Variants in AGTPBP1 observed in about 807,000 individuals in gnomAD.
AGTPBP1 encodes the protein cytosolic carboxypeptidase 1.
AGTPBP1 carries 70 observed loss-of-function variants against 143.9 expected under a neutral mutation model. That is an observed-to-expected ratio of 0.49 (90% CI 0.40 to 0.59). AGTPBP1 has a LOEUF of 0.59. AGTPBP1 is among the 20% of genes least tolerant of loss of function. The pLI, the probability that AGTPBP1 is intolerant of heterozygous loss-of-function variation, is 0.00. For missense variants in AGTPBP1, 1,229 were observed against 1,464.5 expected (o/e 0.84, Z 2.62); for synonymous variants, 463 against 500.2 (o/e 0.93, Z 0.99).
rs116281481 is a variant in AGTPBP1 at position 85,710,086 on chromosome 9, T to C, written c.32+2416A>G. 9.1e-3 allele frequency among the ~76,000 whole-genome samples: 1,390 copies of C among 152,260 alleles called. 13 individuals are homozygous for C. The highest frequency in any genetic ancestry group is 0.032 in the African/African-American group (1,331 of 41,564). ...CACCTCAAAATTTAACACTTCACTA[T>C]ATACTGGTTAAGTCGCCATACTGCA... On this transcript the variant is annotated intron_variant, in intron 2 of 25. Transcript: ENST00000357081.
intron 12 of AGTPBP1, 56 bp from the exon 13 acceptor site, chr9:85,642,999 G>A: frequency 8.6e-7 from 1 of 1,166,134 alleles, no homozygotes. Flanking sequence ...AAAAATTACA[G>A]AAAACATTTT....
At position 85,630,668 on chromosome 9, in the gene AGTPBP1, T is replaced by C. The variant is rs530435471; in HGVS notation, c.2015+1994A>G. ...CTAATTTTTGTGTTTTTAGTAGAGA[T>C]GGGGTTTCACTATACTGGCCAGACT... On this transcript the variant is annotated intron_variant, in intron 14 of 25. Coordinates refer to ENST00000357081, the MANE Select transcript of AGTPBP1 (RefSeq NM_001330701.2). Among the ~76,000 whole-genome samples, 279 of 152,062 alleles carry C rather than the reference T, an allele frequency of 1.8e-3. 10 individuals carry two copies. The highest frequency in any genetic ancestry group is 0.018 in the Admixed American group (277 of 15,264).
intron 7 of AGTPBP1, among the ~76,000 whole-genome samples, chr9:85,670,290 G>C (rs1041253396): frequency 6.6e-6 from 1 of 152,154 alleles, no homozygotes; most frequent in African/African-American, 2.4e-5. Flanking sequence ...AAGGGCCCTA[G>C]AAGTTGTTAA....
the AGTPBP1 span, among the ~76,000 whole-genome samples, chr9:85,797,007 G>A: frequency 4.6e-5 from 7 of 151,932 alleles, no homozygotes; most frequent in East Asian, 1.9e-4. Context: ...GGATGGTCTC[G>A]ATCTCCCGAC....
At chr9:85,704,072 C>T (rs1836834642) in intron 2 of AGTPBP1, among the ~76,000 whole-genome samples, 1 of 152,176 alleles carries the variant, frequency 6.6e-6, no homozygotes, top group Non-Finnish European at 1.5e-5. Context: ...TGGCCTTGGG[C>T]TTCTATAGCC....
intron 2 of AGTPBP1, among the ~76,000 whole-genome samples, chr9:85,695,924 C>T (rs997643205): frequency 1.2e-4 from 18 of 152,026 alleles, no homozygotes; most frequent in African/African-American, 4.1e-4. Flanking sequence ...TCACTGAAAC[C>T]TCCATGTCCC....
At chr9:85,572,199 TG>T (rs1827547103) in intron 25 of AGTPBP1, among the ~76,000 whole-genome samples, 1 of 151,944 alleles carries the variant, frequency 6.6e-6, no homozygotes, top group Non-Finnish European at 1.5e-5. Flanking sequence ...GCTAAATTTT[TG>T]TATTTTTAGT....
At chr9:85,640,035 T>C (rs538336372) in intron 13 of AGTPBP1, among the ~76,000 whole-genome samples, 1 of 152,334 alleles carries the variant, frequency 6.6e-6, no homozygotes, top group African/African-American at 2.4e-5. Flanking sequence ...GCATTAATGG[T>C]TGATGCTGAA....
chr9:85,764,766 T>G, the AGTPBP1 span: 1 of 1,311,070 alleles, frequency 7.6e-7, no homozygotes, highest in South Asian at 1.2e-5. Context: ...GAACAAGACT[T>G]CTCTGAAAAG....
chr9:85,749,059 G>C, the AGTPBP1 span, among the ~76,000 whole-genome samples: 2 of 142,868 alleles, frequency 1.4e-5, no homozygotes, highest in Admixed American at 7.2e-5. Flanking sequence ...CTTGAGTGCA[G>C]TGGTGTGATC....
intron 25 of AGTPBP1, among the ~76,000 whole-genome samples, chr9:85,567,460 T>C (rs1158098737): frequency 2.0e-5 from 3 of 151,886 alleles, no homozygotes; most frequent in Admixed American, 2.0e-4. Flanking sequence ...GCAGTAGTGG[T>C]CCATGCCTGT....
chr9:85,763,173 A>AC, the AGTPBP1 span, among the ~76,000 whole-genome samples: 3 of 152,096 alleles, frequency 2.0e-5, no homozygotes, highest in Admixed American at 6.6e-5. Context: ...AGGCAAAAAA[A>AC]CAAAAAACAA....
In AGTPBP1 at chr9:85,741,850, C is replaced by T; in HGVS notation, c.-109G>A. On this transcript the variant is annotated 5_prime_UTR_variant, in exon 1 of 26. Transcript: ENST00000357081. ...CTCAGCACCTGGATCACGGCGGATC[C>T]CTCGCCGCCCGCCGCCCGGTGTTTT... 7.2e-7 allele frequency: 1 copy of T among 1,398,402 alleles called. No homozygotes were observed. The highest frequency in any genetic ancestry group is 1.5e-5 in the South Asian group (1 of 66,254). The allele number at this position is 1,398,402 out of a possible 1,614,324, so 86.6% of individuals were successfully genotyped here.
intron 1 of AGTPBP1, among the ~76,000 whole-genome samples, chr9:85,728,429 C>T (rs1476302330): frequency 6.6e-6 from 1 of 151,916 alleles, no homozygotes; most frequent in Non-Finnish European, 1.5e-5. Flanking sequence ...ACTGATCTAC[C>T]CCTAAAAAAG....
At chr9:85,741,377 C>G (rs1371449232) in intron 1 of AGTPBP1, 1 of 985,222 alleles carries the variant, frequency 1.0e-6, no homozygotes, top group Non-Finnish European at 1.2e-6. Flanking sequence ...TGGGCGCGCC[C>G]GCCCCCGGCC....
intron 11 of AGTPBP1, among the ~76,000 whole-genome samples, chr9:85,648,953 T>C (rs1194763461): frequency 6.6e-6 from 1 of 152,182 alleles, no homozygotes; most frequent in African/African-American, 2.4e-5. Context: ...ATATTTTCCT[T>C]TGTAGGATGT....
intron 17 of AGTPBP1, among the ~76,000 whole-genome samples, chr9:85,601,841 T>C (rs1425142685): frequency 6.6e-6 from 1 of 152,078 alleles, no homozygotes; most frequent in African/African-American, 2.4e-5. Context: ...ATGGCCGACC[T>C]GGCATCCTCA....
intron 9 of AGTPBP1, 52 bp from the exon 10 acceptor site, chr9:85,657,695 T>C (rs770832507): frequency 2.2e-6 from 3 of 1,358,608 alleles, no homozygotes; most frequent in Non-Finnish European, 2.0e-6. Flanking sequence ...CGAGAGTGAG[T>C]GGTAGAATAA....
intron 14 of AGTPBP1, among the ~76,000 whole-genome samples, chr9:85,629,801 C>T (rs1306464232): frequency 6.6e-6 from 1 of 152,114 alleles, no homozygotes; most frequent in African/African-American, 2.4e-5. Flanking sequence ...CCCTTACTAA[C>T]ATAAACAGGT....
Sources: allele counts gnomAD v4.1 joint callset (sites outside exome capture counted in the v4.1 genomes callset), GRCh38; gene constraint gnomAD v4.1.1; transcripts MANE v1.5; gene names NCBI Gene and HGNC (gene_info 2026-07-23, HGNC 2026-07-21).